DLG2: variants seen among roughly 807,000 people sequenced by gnomAD.
DLG2 encodes the protein discs large MAGUK scaffold protein 2.
In DLG2, 45 loss-of-function variants were observed where a neutral mutation model predicts 132.5. The observed-to-expected ratio is 0.34, with a 90% CI of 0.27 to 0.44. DLG2 has a LOEUF of 0.44. Ranked by LOEUF, DLG2 falls within the 20% of genes least tolerant of loss-of-function variation. The pLI is 1.00. For synonymous variants in DLG2, 424 were observed against 419.6 expected (o/e 1.01, Z -0.13); for missense variants, 1,045 against 1,196.9 (o/e 0.87, Z 1.87).
intron 11 of DLG2, among the ~76,000 whole-genome samples, chr11:84,035,575 T>C (rs1406512252): frequency 1.3e-5 from 2 of 152,282 alleles, no homozygotes; most frequent in Middle Eastern, 3.4e-3. Context: ...GGGAAATTGA[T>C]GGAAGATGAA....
At chr11:84,318,990 G>A (rs2098386818) in intron 7 of DLG2, among the ~76,000 whole-genome samples, 1 of 152,150 alleles carries the variant, frequency 6.6e-6, no homozygotes, top group South Asian at 2.1e-4. Context: ...ATTCAGCAAT[G>A]TTCTAGAAAC....
intron 18 of DLG2, among the ~76,000 whole-genome samples, chr11:83,747,078 T>G (rs2092963441): frequency 6.6e-6 from 1 of 152,094 alleles, no homozygotes; most frequent in Non-Finnish European, 1.5e-5. Context: ...CCTTGGAATA[T>G]TATACAAATG....
intron 6 of DLG2, among the ~76,000 whole-genome samples, chr11:84,950,652 G>A (rs1263334809): frequency 6.6e-6 from 1 of 152,040 alleles, no homozygotes; most frequent in Non-Finnish European, 1.5e-5. Flanking sequence ...CTTCTTGTGT[G>A]GAGTCAGTTT....
intron 8 of DLG2, among the ~76,000 whole-genome samples, chr11:84,205,957 G>A (rs1405105651): frequency 6.6e-6 from 1 of 151,968 alleles, no homozygotes; most frequent in Middle Eastern, 3.2e-3. Context: ...TTTTTTTAAA[G>A]ACAGATGGCA....
intron 7 of DLG2, among the ~76,000 whole-genome samples, chr11:84,419,488 G>A (rs1487734878): frequency 6.6e-6 from 1 of 152,088 alleles, no homozygotes; most frequent in East Asian, 1.9e-4. Flanking sequence ...TGAACATACT[G>A]TCTCATATAC....
In DLG2 at chr11:85,242,141, G is replaced by C. The variant is rs542828737; in HGVS notation, c.186+43079C>G. On this transcript the variant is annotated intron_variant, in intron 4 of 27. Coordinates refer to ENST00000376104, the MANE Select transcript of DLG2 (RefSeq NM_001142699.3). The stretch of plus-strand genomic sequence containing the variant: ...ACTATCTTTAATAGGAGAATAAATG[G>C]ATTATAGGCCAGTGCTTTAAATTCT... Among the ~76,000 whole-genome samples the C allele has an allele frequency of 2.0e-5, 3 of 151,988 alleles. No individual in the cohort carries two copies. In the East Asian group the frequency reaches 5.8e-4, roughly 29 times the overall value.
intron 7 of DLG2, among the ~76,000 whole-genome samples, chr11:84,313,850 A>G (rs1406584666): frequency 6.6e-6 from 1 of 152,186 alleles, no homozygotes; most frequent in Non-Finnish European, 1.5e-5. Flanking sequence ...GCTGACACTA[A>G]CATCCTAGAT....
chr11:84,617,779 A>C (rs2099607143), intron 6 of DLG2, among the ~76,000 whole-genome samples: 1 of 152,156 alleles, frequency 6.6e-6, no homozygotes, highest in Non-Finnish European at 1.5e-5. Context: ...ACTACGAAGA[A>C]GGGAGGTAAA....
chr11:84,831,848 G>T (rs773823249), intron 6 of DLG2, among the ~76,000 whole-genome samples: 12 of 151,614 alleles, frequency 7.9e-5, no homozygotes, highest in Non-Finnish European at 1.8e-4. Flanking sequence ...TTCGTGGGAT[G>T]AACTGCATTT....
At chr11:83,890,026 T>C (rs2154084731) in intron 15 of DLG2, among the ~76,000 whole-genome samples, 2 of 152,068 alleles carry the variant, frequency 1.3e-5, no homozygotes, top group Non-Finnish European at 2.9e-5. Flanking sequence ...CGAGTTAATG[T>C]GTGCAGCATA....
At chr11:84,863,653 G>T (rs1197143243) in intron 6 of DLG2, among the ~76,000 whole-genome samples, 1 of 152,010 alleles carries the variant, frequency 6.6e-6, no homozygotes, top group Non-Finnish European at 1.5e-5. Context: ...GGGCTTCCAT[G>T]GAAGAAAAAG....
chr11:84,206,185 G>C (rs2096662755), intron 8 of DLG2, among the ~76,000 whole-genome samples: 1 of 151,998 alleles, frequency 6.6e-6, no homozygotes, highest in Non-Finnish European at 1.5e-5. Context: ...ATAGAAAACT[G>C]TTTAGTCCTG....
intron 7 of DLG2, among the ~76,000 whole-genome samples, chr11:84,406,188 A>C (rs2098848343): frequency 6.6e-6 from 1 of 152,044 alleles, no homozygotes; most frequent in Non-Finnish European, 1.5e-5. Flanking sequence ...TGATTACCTG[A>C]ATATGCCCAT....
rs376076486 is a variant in DLG2 at position 85,100,402 on chromosome 11, A to G, written c.357+11259T>C. Among the ~76,000 whole-genome samples the G allele has an allele frequency of 2.6e-5, 4 of 152,158 alleles. No individual in the cohort carries two copies. The East Asian group carries it at 7.7e-4, about 29-fold the overall frequency. On this transcript the variant is annotated intron_variant, in intron 6 of 27. Transcript: ENST00000376104. Reference sequence around the variant, plus strand: ...TCTTTCAATGTAGGTAATTATTTTTATTTCATAAATGAGGAAAGTAAGGCA... The same window carrying G: ...TCTTTCAATGTAGGTAATTATTTTTGTTTCATAAATGAGGAAAGTAAGGCA...
intron 4 of DLG2, among the ~76,000 whole-genome samples, chr11:85,278,070 T>G (rs1349592818): frequency 1.3e-5 from 2 of 152,202 alleles, no homozygotes; most frequent in Non-Finnish European, 2.9e-5. Context: ...GTCTTACTAC[T>G]CTCAGCTCCC....
chr11:85,104,030 G>T (rs1272193916), intron 6 of DLG2, among the ~76,000 whole-genome samples: 2 of 151,818 alleles, frequency 1.3e-5, no homozygotes, highest in Non-Finnish European at 2.9e-5. Flanking sequence ...CACCTATTAG[G>T]ATTGTTATAA....
intron 7 of DLG2, among the ~76,000 whole-genome samples, chr11:84,527,056 G>A (rs1314012269): frequency 1.3e-5 from 2 of 152,052 alleles, no homozygotes; most frequent in African/African-American, 4.8e-5. Flanking sequence ...GGGATTACAG[G>A]CGTGAGCCAC....
intron 15 of DLG2, among the ~76,000 whole-genome samples, chr11:83,912,769 C>A (rs756305198): frequency 2.6e-5 from 4 of 151,990 alleles, no homozygotes; most frequent in Non-Finnish European, 5.9e-5. Context: ...TTCTTTTTGC[C>A]CCAGGCCAGC....
intron 7 of DLG2, among the ~76,000 whole-genome samples, chr11:84,280,498 A>G (rs1598971863): frequency 6.6e-6 from 1 of 151,904 alleles, no homozygotes; most frequent in African/African-American, 2.4e-5. Context: ...CAAACTCCTG[A>G]CCTCAGGTGA....
Sources: gnomAD v4.1 joint callset for allele counts (sites outside exome capture counted in the v4.1 genomes callset) on GRCh38, gnomAD v4.1.1 for gene constraint, MANE v1.5 for transcripts, NCBI Gene and HGNC (gene_info 2026-07-23, HGNC 2026-07-21) for gene names.